Variants in FAM178B observed in about 807,000 individuals in gnomAD.
FAM178B encodes family with sequence similarity 178 member B, also known as protein FAM178B.
A neutral mutation model predicts 91.7 loss-of-function variants in FAM178B; 82 were observed. That is an observed-to-expected ratio of 0.89 (90% CI 0.75 to 1.07). The LOEUF (loss-of-function observed/expected upper bound fraction) is 1.07. Ranked by LOEUF, FAM178B falls within the 50% of genes least tolerant of loss-of-function variation. The probability of loss-of-function intolerance (pLI) is 0.00; values close to 1 mark genes in which losing one functional copy is unlikely to be tolerated. For synonymous variants in FAM178B, 368 were observed against 359.4 expected (o/e 1.02, Z -0.27); for missense variants, 769 against 846.7 (o/e 0.91, Z 1.14).
In FAM178B at chr2:96,986,570, C is replaced by T. The variant is rs549974170; in HGVS notation, c.-257G>A. On this transcript the variant is annotated 5_prime_UTR_variant, in exon 1 of 17. Transcript: ENST00000490605. Reference sequence around the variant, plus strand: ...CGCCGCCGCCAGCTGGGGAGCTCGCCGGCCAAGTGCGCACCCTCTTCCTGT... The same window carrying T: ...CGCCGCCGCCAGCTGGGGAGCTCGCTGGCCAAGTGCGCACCCTCTTCCTGT... The T allele has an allele frequency of 1.0e-5, 5 of 487,750 alleles. No individual in the cohort carries two copies. Among genetic ancestry groups the T allele is most frequent in the Non-Finnish European group, 1.1e-5 (3 of 270,436 alleles). 30.2% of individuals were successfully genotyped at this position (487,750 alleles called of 1,614,324 possible).
At chr2:96,982,387 C>T (rs1355211704) in intron 1 of FAM178B, among the ~76,000 whole-genome samples, 1 of 152,050 alleles carries the variant, frequency 6.6e-6, no homozygotes, top group Non-Finnish European at 1.5e-5. Context: ...CTCAGCTTCC[C>T]GAGTAGCTGG....
At position 96,921,205 on chromosome 2, in the gene FAM178B, C is replaced by A. The variant is rs2081332786; in HGVS notation, c.1522G>T (p.Ala508Ser). 3 of 1,551,378 alleles carry A rather than the reference C, an allele frequency of 1.9e-6. No individual in the cohort carries two copies. Among genetic ancestry groups the A allele is most frequent in the South Asian group, 2.4e-5 (2 of 84,058 alleles). ...ATGTCTGGGAAGAACTGCACGAGGG[C>A]CAGCAGGTTGTGGTGGTGGTCAGAC... ...WVSDHHHNLL[A>S]LVQFFPDMTS... The change falls in exon 12 of 17, where the codon GCC becomes TCC. Residue 508 changes from alanine to serine, a missense_variant. By Grantham distance (99) the Ala-to-Ser change is moderately conservative. Coordinates refer to ENST00000490605, the MANE Select transcript of FAM178B (RefSeq NM_001122646.3).
At chr2:96,880,551 C>A (rs533398367) in intron 14 of FAM178B, among the ~76,000 whole-genome samples, 2 of 152,334 alleles carry the variant, frequency 1.3e-5, no homozygotes. Context: ...TATTTCTCTA[C>A]AATGTGTGTA....
At chr2:96,943,815 C>A (rs951845509) in intron 8 of FAM178B, among the ~76,000 whole-genome samples, 8 of 152,130 alleles carry the variant, frequency 5.3e-5, no homozygotes, top group Non-Finnish European at 1.0e-4. Context: ...CCCTTGCATC[C>A]CTGTATACCC....
intron 9 of FAM178B, among the ~76,000 whole-genome samples, chr2:96,925,369 C>T (rs1312681810): frequency 1.3e-5 from 2 of 152,172 alleles, no homozygotes; most frequent in African/African-American, 4.8e-5. Flanking sequence ...GAATGCCTGG[C>T]TGGTCAGAGT....
chr2:96,928,579 C>T (rs11884381), intron 9 of FAM178B, among the ~76,000 whole-genome samples: 3,132 of 152,172 alleles, frequency 0.021, 100 homozygotes, highest in African/African-American at 0.067. Context: ...GCCAAACAAG[C>T]GGCTTGAAGA....
Position 96,972,063 on chromosome 2 carries a change from C to G in FAM178B, c.402G>C (p.Trp134Cys). 6.5e-7 allele frequency: 1 copy of G among 1,547,314 alleles called. No individual in the cohort carries two copies. Among genetic ancestry groups the G allele is most frequent in the South Asian group, 1.2e-5 (1 of 83,316 alleles). Residue 134 changes from tryptophan to cysteine, a missense_variant, in exon 3 of 17, where the codon TGG (tryptophan) becomes TGC (cysteine). Physicochemically the swap from Trp to Cys is radical, Grantham distance 215. Coordinates refer to ENST00000490605, the MANE Select transcript of FAM178B (RefSeq NM_001122646.3). ...QASREAPAQRWVGVVGPQGLR... is the reference protein window; with the variant it reads ...QASREAPAQRCVGVVGPQGLR... ...GGCCCTGGGGGCCCACCACACCCAC[C>G]CACCTCTGGGCCGGGGCCTCCCGAC...
Position 96,936,471 on chromosome 2 carries a change from A to T in FAM178B, c.1079-7151T>A, listed in dbSNP as rs530201262. On this transcript the variant is annotated intron_variant, in intron 8 of 16. Coordinates refer to ENST00000490605, the MANE Select transcript of FAM178B (RefSeq NM_001122646.3). ...CCGCCTTGGCCTCCCAAAGTGCTGGATTACAGGCGTGAGCCACCACGCCCG... is the reference window on the plus strand; with the variant it reads ...CCGCCTTGGCCTCCCAAAGTGCTGGTTTACAGGCGTGAGCCACCACGCCCG... Among the ~76,000 whole-genome samples the T allele has an allele frequency of 2.0e-5, 3 of 146,638 alleles. No homozygotes were observed. The East Asian group carries it at 6.0e-4, about 29-fold the overall frequency.
At chr2:96,932,966 C>T (rs768720608) in intron 8 of FAM178B, among the ~76,000 whole-genome samples, 22 of 140,396 alleles carry the variant, frequency 1.6e-4, no homozygotes, top group East Asian at 6.4e-4. Flanking sequence ...AAAAAAAAGC[C>T]GGGCGTGGTG....
chr2:96,889,402 G>A (rs1049027039), intron 14 of FAM178B, among the ~76,000 whole-genome samples: 12 of 152,130 alleles, frequency 7.9e-5, no homozygotes, highest in Admixed American at 1.3e-4. Context: ...CAGTAGGCCC[G>A]GTGCGGTGGC....
intron 14 of FAM178B, among the ~76,000 whole-genome samples, chr2:96,879,239 G>C (rs1000933140): frequency 6.6e-6 from 1 of 152,214 alleles, no homozygotes; most frequent in Non-Finnish European, 1.5e-5. Flanking sequence ...TCCACTCAGA[G>C]GGCCCTGCTG....
At chr2:96,968,918 C>G (rs2082181287) in intron 4 of FAM178B, among the ~76,000 whole-genome samples, 1 of 152,236 alleles carries the variant, frequency 6.6e-6, no homozygotes, top group South Asian at 2.1e-4. Flanking sequence ...CCCCTCTGCA[C>G]TGAGAATTTG....
At chr2:96,947,130 A>G in intron 8 of FAM178B, among the ~76,000 whole-genome samples, 1 of 152,124 alleles carries the variant, frequency 6.6e-6, no homozygotes, top group Non-Finnish European at 1.5e-5. Context: ...TGGTTACATG[A>G]TATTTTTTGG....
In FAM178B at chr2:96,921,214, T is replaced by TGTG. The variant is rs1458355758; in HGVS notation, c.1510_1512dup (p.His504dup). 6.4e-7 allele frequency: 1 copy of TGTG among 1,551,506 alleles called. No homozygotes were observed. Among genetic ancestry groups the TGTG allele is most frequent in the Admixed American group, 2.0e-5 (1 of 50,988 alleles). The stretch of plus-strand genomic sequence containing the variant: ...AAGAACTGCACGAGGGCCAGCAGGT[T>TGTG]GTGGTGGTGGTCAGACACCCAGCTC... On this transcript the variant is annotated inframe_insertion, in exon 12 of 17. Coordinates refer to ENST00000490605, the MANE Select transcript of FAM178B (RefSeq NM_001122646.3).
chr2:96,980,697 C>T (rs2082349931), intron 1 of FAM178B, among the ~76,000 whole-genome samples: 1 of 152,194 alleles, frequency 6.6e-6, no homozygotes, highest in African/African-American at 2.4e-5. Context: ...GCAACCGAGC[C>T]AGCCTCCTTG....
At chr2:96,971,733 C>T (rs1057193581) in intron 3 of FAM178B, among the ~76,000 whole-genome samples, 168 bp downstream of exon 3, 5 of 152,216 alleles carry the variant, frequency 3.3e-5, no homozygotes, top group South Asian at 2.1e-4. Context: ...TGGGGGCCTG[C>T]GCTTCCAGCC....
chr2:96,941,208 A>G (rs765731965), intron 8 of FAM178B, among the ~76,000 whole-genome samples: 1 of 152,234 alleles, frequency 6.6e-6, no homozygotes, highest in Non-Finnish European at 1.5e-5. Context: ...GCTGGCAAGA[A>G]GACTTTCACT....
At chr2:96,894,634 A>G (rs1367352967) in intron 13 of FAM178B, among the ~76,000 whole-genome samples, 1 of 23,758 alleles carries the variant, frequency 4.2e-5, no homozygotes, top group African/African-American at 1.9e-4. Context: ...CCCCCCACAG[A>G]CCCCCCACCC....
Position 96,887,838 on chromosome 2 carries a change from C to T in FAM178B, c.1776+6088G>A, listed in dbSNP as rs117365867. Among the ~76,000 whole-genome samples, 5 of 152,022 alleles carry T rather than the reference C, an allele frequency of 3.3e-5. No homozygotes were observed. In the East Asian group the frequency reaches 5.8e-4, roughly 18 times the overall value. On this transcript the variant is annotated intron_variant, in intron 14 of 16. Coordinates refer to ENST00000490605, the MANE Select transcript of FAM178B (RefSeq NM_001122646.3). ...GTCACTTGCCTAGGGAGAGAGGCCC[C>T]GAAGGGTCTCCGGGAGGACTGGGCC... is the stretch of plus-strand genomic sequence containing the variant.
Sources: gnomAD v4.1 joint callset for allele counts (sites outside exome capture counted in the v4.1 genomes callset) on GRCh38, gnomAD v4.1.1 for gene constraint, MANE v1.5 for transcripts, NCBI Gene and HGNC (gene_info 2026-07-23, HGNC 2026-07-21) for gene names.